PDE1C: variants seen among roughly 807,000 people sequenced by gnomAD.
PDE1C encodes dual specificity calcium/calmodulin-dependent 3',5'-cyclic nucleotide phosphodiesterase 1C.
PDE1C carries 62 observed loss-of-function variants against 93.1 expected under a neutral mutation model. The observed-to-expected ratio is 0.67, with a 90% CI of 0.54 to 0.82. The LOEUF is 0.82. Ranked by LOEUF, PDE1C falls within the 40% of genes least tolerant of loss-of-function variation. The pLI is 0.00. For missense variants in PDE1C, 742 were observed against 884.6 expected, an observed-to-expected ratio of 0.84 and a Z score of 2.04; for synonymous variants, 325 against 310.1, an observed-to-expected ratio of 1.05 and a Z score of -0.50.
the PDE1C span, among the ~76,000 whole-genome samples, chr7:31,731,433 C>T: frequency 2.6e-5 from 4 of 152,122 alleles, no homozygotes; most frequent in African/African-American, 7.2e-5. Flanking sequence ...CTCTGTCACC[C>T]AGGCTGGAGT....
intron 1 of PDE1C, among the ~76,000 whole-genome samples, chr7:32,341,697 T>A (rs1783761141): frequency 6.6e-6 from 1 of 152,116 alleles, no homozygotes; most frequent in African/African-American, 2.4e-5. Context: ...CCCAGTACTT[T>A]TTCCATATAA....
intron 2 of PDE1C, among the ~76,000 whole-genome samples, chr7:31,930,079 T>C (rs1803978214): frequency 6.6e-6 from 1 of 152,082 alleles, no homozygotes; most frequent in African/African-American, 2.4e-5. Context: ...ATAAAGGGGA[T>C]ATCACCACTG....
At chr7:32,377,339 C>T (rs370710603) in intron 1 of PDE1C, among the ~76,000 whole-genome samples, 15 of 152,198 alleles carry the variant, frequency 9.9e-5, no homozygotes, top group African/African-American at 3.4e-4. Flanking sequence ...GCACTTTGTT[C>T]ATACCACTAT....
the PDE1C span, among the ~76,000 whole-genome samples, chr7:31,688,128 C>A: frequency 6.6e-6 from 1 of 152,138 alleles, no homozygotes; most frequent in East Asian, 1.9e-4. Context: ...CTCACACTCA[C>A]GAAAATATCA....
the PDE1C span, among the ~76,000 whole-genome samples, chr7:31,631,350 A>C: frequency 6.6e-6 from 1 of 152,352 alleles, no homozygotes. Flanking sequence ...TATATGAAAA[A>C]CAAGATATAA....
At chr7:31,733,106 C>T in the PDE1C span, among the ~76,000 whole-genome samples, 3 of 152,190 alleles carry the variant, frequency 2.0e-5, no homozygotes, top group Admixed American at 2.0e-4. Context: ...CTAAAGGGCA[C>T]ATACATATTT....
intron 1 of PDE1C, among the ~76,000 whole-genome samples, chr7:32,358,477 A>C (rs1784072835): frequency 6.6e-6 from 1 of 152,212 alleles, no homozygotes. Context: ...GGTTGTGGTA[A>C]GGATCGAATC....
intron 15 of PDE1C, among the ~76,000 whole-genome samples, chr7:31,814,601 G>A (rs1168376794): frequency 2.0e-5 from 3 of 151,384 alleles, no homozygotes; most frequent in Non-Finnish European, 2.9e-5. Context: ...CATTGACCAC[G>A]GCCCTGTGGC....
chr7:32,130,636 C>T (rs551649725), intron 3 of PDE1C, among the ~76,000 whole-genome samples: 1 of 152,048 alleles, frequency 6.6e-6, no homozygotes, highest in Non-Finnish European at 1.5e-5. Flanking sequence ...GTCCATCTTA[C>T]AAACTCTTCT....
chr7:32,425,004 T>C (rs1785500227), intron 1 of PDE1C, among the ~76,000 whole-genome samples: 1 of 152,136 alleles, frequency 6.6e-6, no homozygotes, highest in African/African-American at 2.4e-5. Context: ...CTATATGCCT[T>C]AATGTCTTCA....
intron 2 of PDE1C, among the ~76,000 whole-genome samples, chr7:31,921,238 T>C (rs1397351697): frequency 6.6e-6 from 1 of 152,196 alleles, no homozygotes; most frequent in African/African-American, 2.4e-5. Context: ...TATTGCATAA[T>C]ACTTGAATTC....
chr7:31,974,589 C>T (rs1008794539), intron 2 of PDE1C, among the ~76,000 whole-genome samples: 3 of 143,272 alleles, frequency 2.1e-5, no homozygotes, highest in Non-Finnish European at 4.6e-5. Context: ...CATACTGGTA[C>T]AAACTGAGTG....
intron 7 of PDE1C, among the ~76,000 whole-genome samples, chr7:31,851,801 G>C (rs3801349): frequency 0.18 from 27,884 of 152,236 alleles, 2,656 homozygotes; most frequent in Middle Eastern, 0.29. Flanking sequence ...GCTTTGGACA[G>C]TCACTAAAAG....
At chr7:32,204,867 T>G (rs187237872) in intron 2 of PDE1C, among the ~76,000 whole-genome samples, 1 of 152,344 alleles carries the variant, frequency 6.6e-6, no homozygotes, top group Non-Finnish European at 1.5e-5. Context: ...TCCTTCCACA[T>G]GCTGTATTGT....
chr7:32,162,294 G>A (rs551875647), intron 3 of PDE1C, among the ~76,000 whole-genome samples: 1 of 152,162 alleles, frequency 6.6e-6, no homozygotes, highest in Non-Finnish European at 1.5e-5. Flanking sequence ...AGACAGACTG[G>A]CCCAGAATAT....
chr7:32,089,178 G>A (rs1308687690), intron 3 of PDE1C, among the ~76,000 whole-genome samples: 1 of 152,200 alleles, frequency 6.6e-6, no homozygotes, highest in East Asian at 1.9e-4. Context: ...AACACATGCA[G>A]TAGTAGTAAT....
At chr7:32,205,950 C>T (rs1461307578) in intron 2 of PDE1C, among the ~76,000 whole-genome samples, 2 of 152,210 alleles carry the variant, frequency 1.3e-5, no homozygotes, top group African/African-American at 2.4e-5. Context: ...AACTGTAACA[C>T]TCACCAGGTG....
At chr7:31,618,191 A>G in the PDE1C span, among the ~76,000 whole-genome samples, 4 of 152,196 alleles carry the variant, frequency 2.6e-5, no homozygotes, top group Non-Finnish European at 4.4e-5. Context: ...CCCAAACTTA[A>G]GATCAGCCTT....
intron 1 of PDE1C, among the ~76,000 whole-genome samples, chr7:32,280,646 C>T (rs1320939780): frequency 6.6e-6 from 1 of 152,050 alleles, no homozygotes; most frequent in African/African-American, 2.4e-5. Flanking sequence ...TGACTACAGC[C>T]CTATCAAAAA....
Sources: allele counts gnomAD v4.1 joint callset (sites outside exome capture counted in the v4.1 genomes callset), GRCh38; gene constraint gnomAD v4.1.1; transcripts MANE v1.5; gene names NCBI Gene and HGNC (gene_info 2026-07-23, HGNC 2026-07-21).